MTMR12: variants seen among roughly 807,000 people sequenced by gnomAD.
The protein encoded by MTMR12 is myotubularin-related protein 12.
In MTMR12, 33 loss-of-function variants were observed where a neutral mutation model predicts 96.7. That is an observed-to-expected ratio of 0.34 (90% CI 0.26 to 0.46). The LOEUF is 0.46. Among genes scored for constraint, MTMR12 ranks in the 20% least tolerant of loss-of-function variants. The probability of loss-of-function intolerance (pLI) is 1.00; values close to 1 mark genes in which losing one functional copy is unlikely to be tolerated. For synonymous variants in MTMR12, 298 were observed against 327.2 expected (o/e 0.91, Z 0.96); for missense variants, 721 against 896.1 (o/e 0.80, Z 2.49).
At chr5:32,279,755 T>G (rs1247985551) in intron 1 of MTMR12, among the ~76,000 whole-genome samples, 1 of 152,224 alleles carries the variant, frequency 6.6e-6, no homozygotes, top group Non-Finnish European at 1.5e-5. Flanking sequence ...GATGAAACTG[T>G]TCTACCTCAG....
At chr5:32,289,334 C>T (rs1389671735) in intron 1 of MTMR12, among the ~76,000 whole-genome samples, 5 of 152,152 alleles carry the variant, frequency 3.3e-5, no homozygotes, top group Non-Finnish European at 4.4e-5. Context: ...GAATCACGGC[C>T]CCTCAATCAA....
chr5:32,276,849 G>T, intron 1 of MTMR12, 107 bp from the exon 2 acceptor site: 1 of 551,400 alleles, frequency 1.8e-6, no homozygotes, highest in Non-Finnish European at 3.0e-6. Context: ...ACCCTCAGGA[G>T]CTTTTCGTTT....
Position 32,254,759 on chromosome 5 carries a change from GC to G in MTMR12, c.789+933del, listed in dbSNP as rs544033780. On this transcript the variant is annotated intron_variant, in intron 8 of 15. Transcript: ENST00000382142. ...CTCGGGAGGCTGAGGCAGGAGAATTGCTTGAACTTGGGAGGCAGAGGCTGCA... is the reference window on the plus strand; with the variant it reads ...CTCGGGAGGCTGAGGCAGGAGAATTGTTGAACTTGGGAGGCAGAGGCTGCA... 1.2e-4 allele frequency among the ~76,000 whole-genome samples: 19 copies of G among 152,224 alleles called. No homozygotes were observed. In the South Asian group the frequency reaches 3.9e-3, roughly 32 times the overall value.
intron 1 of MTMR12, among the ~76,000 whole-genome samples, chr5:32,278,407 C>G (rs546010862): frequency 6.6e-6 from 1 of 151,960 alleles, no homozygotes; most frequent in Non-Finnish European, 1.5e-5. Flanking sequence ...GGTAGAAGGC[C>G]CTGGGTGGGA....
chr5:32,299,800 C>T (rs981091725), intron 1 of MTMR12, among the ~76,000 whole-genome samples: 5 of 152,218 alleles, frequency 3.3e-5, no homozygotes, highest in Admixed American at 6.5e-5. Context: ...TGTGTGCACA[C>T]ACCTTACATA....
chr5:32,263,358 A>G (rs959410205), intron 6 of MTMR12, 116 bp from the exon 7 acceptor site: 21 of 1,246,140 alleles, frequency 1.7e-5, no homozygotes, highest in East Asian at 2.4e-5. Flanking sequence ...TTTTTATCCA[A>G]GCAGAATGAA....
chr5:32,229,270 G>A lies in MTMR12; in HGVS notation c.*508C>T, dbSNP rs996008447. On this transcript the variant is annotated 3_prime_UTR_variant, in exon 16 of 16. Transcript: ENST00000382142. ...AGGGGGCGTAGAAAGAAAAAAATGT[G>A]ATGGTTTAAGTAAATGCCACACATC... is the stretch of plus-strand genomic sequence containing the variant. The A allele has an allele frequency of 6.6e-6, 1 of 152,490 alleles. No homozygotes were observed. The highest frequency in any genetic ancestry group is 2.4e-5 in the African/African-American group (1 of 41,438). 9.4% of individuals were successfully genotyped at this position (152,490 alleles called of 1,614,324 possible).
At chr5:32,251,054 CTTTT>C (rs1299015165) in intron 8 of MTMR12, among the ~76,000 whole-genome samples, 1 of 131,018 alleles carries the variant, frequency 7.6e-6, no homozygotes, top group Admixed American at 7.7e-5. Flanking sequence ...AGGTCCCTCT[CTTTT>C]TTTTTTTTTT....
At chr5:32,232,920 T>G in intron 15 of MTMR12, 1 of 958,668 alleles carries the variant, frequency 1.0e-6, no homozygotes, top group Non-Finnish European at 1.2e-6. Context: ...AGGATAAGGA[T>G]GGCATGGAGA....
At chr5:32,310,863 C>T (rs1357585692) in intron 1 of MTMR12, among the ~76,000 whole-genome samples, 1 of 150,402 alleles carries the variant, frequency 6.6e-6, no homozygotes, top group Non-Finnish European at 1.5e-5. Context: ...ATGCCTGTAT[C>T]CAAAGATTTC....
At chr5:32,278,463 A>C (rs1750144418) in intron 1 of MTMR12, among the ~76,000 whole-genome samples, 2 of 152,170 alleles carry the variant, frequency 1.3e-5, no homozygotes, top group South Asian at 4.1e-4. Context: ...GCATTAGAAG[A>C]AACTTGGGTA....
In MTMR12 at chr5:32,233,876, C is replaced by A. The variant is rs1474403686; in HGVS notation, c.1571G>T (p.Trp524Leu). ...GGCTTTGGGTTCAAACTGCACCGAC[C>A]AATCCCACACGGTGAGCAGATTCAA... ...KPLNLLTVWD[W>L]SVQFEPKAQT... Residue 524 changes from tryptophan to leucine, a missense_variant, in exon 15 of 16, where the codon TGG becomes TTG. By Grantham distance (61) the Trp-to-Leu change is moderately conservative (BLOSUM62 -2). Transcript: ENST00000382142. The surrounding 1 kb of genome is among the most constrained non-coding windows in gnomAD (Gnocchi z 5.0). 1 of 1,614,146 alleles carries A rather than the reference C, an allele frequency of 6.2e-7. No homozygotes were observed. The highest frequency in any genetic ancestry group is 1.3e-5 in the African/African-American group (1 of 75,018).
intron 7 of MTMR12, among the ~76,000 whole-genome samples, chr5:32,257,908 A>G (rs1405406528): frequency 6.6e-6 from 1 of 152,274 alleles, no homozygotes; most frequent in East Asian, 1.9e-4. Flanking sequence ...TCGCTACTAA[A>G]AATATAAAAA....
chr5:32,300,711 G>T (rs909884272), intron 1 of MTMR12, among the ~76,000 whole-genome samples: 3 of 152,082 alleles, frequency 2.0e-5, no homozygotes, highest in African/African-American at 7.2e-5. Flanking sequence ...GCAGGTAGCA[G>T]AAAGTGATCA....
At chr5:32,243,404 G>A (rs1748552902) in intron 11 of MTMR12, 117 bp downstream of exon 11, 2 of 701,384 alleles carry the variant, frequency 2.9e-6, no homozygotes, top group Non-Finnish European at 2.4e-6. Flanking sequence ...TGTAGAACAT[G>A]TGATCTAAGA....
At chr5:32,275,517 T>G (rs950644133) in intron 2 of MTMR12, among the ~76,000 whole-genome samples, 54 of 152,208 alleles carry the variant, frequency 3.5e-4, no homozygotes, top group African/African-American at 1.2e-3. Context: ...AATACAACAT[T>G]CCTGGTGAGG....
In MTMR12 at chr5:32,287,154, G is replaced by T. The variant is rs151080119; in HGVS notation, c.82-10412C>A. ...GCAGAAATTAGTTCCAGGCAGAATG[G>T]CCATGTGATGGTTAATACTGAGTGT... On this transcript the variant is annotated intron_variant, in intron 1 of 15. Coordinates refer to ENST00000382142, the MANE Select transcript of MTMR12 (RefSeq NM_001040446.3). Among the ~76,000 whole-genome samples the T allele has an allele frequency of 5.8e-4, 89 of 152,300 alleles. 1 individual carries two copies. In the East Asian group the frequency reaches 0.016, roughly 27 times the overall value.
intron 1 of MTMR12, among the ~76,000 whole-genome samples, chr5:32,299,493 G>A (rs991415900): frequency 6.6e-6 from 1 of 152,208 alleles, no homozygotes; most frequent in Non-Finnish European, 1.5e-5. Context: ...CAGCTGCAGA[G>A]ACACATGGCA....
At chr5:32,286,997 A>G (rs1488196744) in intron 1 of MTMR12, among the ~76,000 whole-genome samples, 1 of 152,224 alleles carries the variant, frequency 6.6e-6, no homozygotes, top group African/African-American at 2.4e-5. Context: ...CAGCCTTGGT[A>G]GAAATGTGCT....
Sources: allele counts gnomAD v4.1 joint callset (sites outside exome capture counted in the v4.1 genomes callset), GRCh38; gene constraint gnomAD v4.1.1; non-coding constraint Gnocchi (gnomAD v3.1); transcripts MANE v1.5; gene names NCBI Gene and HGNC (gene_info 2026-07-23, HGNC 2026-07-21).